CCDC32: variants seen among roughly 807,000 people sequenced by gnomAD.
The protein encoded by CCDC32 is coiled-coil domain-containing protein 32.
A neutral mutation model predicts 20.1 loss-of-function variants in CCDC32; 9 were observed. The observed-to-expected ratio is 0.45, with a 90% CI of 0.27 to 0.78. The LOEUF (loss-of-function observed/expected upper bound fraction) is 0.78, where lower values mean the gene tolerates loss of function less well. CCDC32 is among the 30% of genes least tolerant of loss of function. The pLI is 0.16. For missense variants in CCDC32, 204 were observed against 215.5 expected, an observed-to-expected ratio of 0.95 and a Z score of 0.33; for synonymous variants, 63 against 79.0, an observed-to-expected ratio of 0.80 and a Z score of 1.07.
Position 40,539,382 on chromosome 15 carries a change from G to T in CCDC32, c.402-27C>A, listed in dbSNP as rs544236496. On this transcript the variant is annotated intron_variant, in intron 3 of 3. Transcript: ENST00000558113. ...TATGGGAATAAGACAGACCGACAGA[G>T]ACGAGGAAGATAGACAGATACAGTC... 135 of 1,518,440 alleles carry T rather than the reference G, an allele frequency of 8.9e-5. 1 individual carries two copies. In the South Asian group the frequency reaches 1.4e-3, roughly 16 times the overall value. The allele number at this position is 1,518,440 out of a possible 1,614,324, so 94.1% of individuals were successfully genotyped here.
chr15:40,552,557 T>A (rs1043571233), downstream of CCDC32, among the ~76,000 whole-genome samples: 4 of 150,750 alleles, frequency 2.7e-5, no homozygotes, highest in African/African-American at 9.8e-5. Flanking sequence ...TAAGCAAGTA[T>A]ATGGAACCAC....
downstream of CCDC32, among the ~76,000 whole-genome samples, chr15:40,533,982 A>C (rs1217174991): frequency 6.6e-6 from 1 of 152,256 alleles, no homozygotes; most frequent in Non-Finnish European, 1.5e-5. Flanking sequence ...AAACTTGTAT[A>C]TATCTACATC....
At chr15:40,529,446 G>A (rs1888812055) in intron 3 of CCDC32, 1 of 152,182 alleles carries the variant, frequency 6.6e-6, no homozygotes, top group African/African-American at 2.4e-5. Context: ...AAAAGCAGAG[G>A]GAGAGAGAGC....
At chr15:40,560,099 T>G (rs1021600062) in intron 2 of CCDC32, among the ~76,000 whole-genome samples, 8 of 152,232 alleles carry the variant, frequency 5.3e-5, no homozygotes, top group African/African-American at 1.9e-4. Context: ...AACCTCTGCC[T>G]CCTGGGTTCA....
chr15:40,560,414 A>G (rs879382375), intron 2 of CCDC32, among the ~76,000 whole-genome samples: 1 of 152,262 alleles, frequency 6.6e-6, no homozygotes, highest in Non-Finnish European at 1.5e-5. Context: ...AAAAGAAATA[A>G]TCAGAGTAAA....
chr15:40,538,124 G>A (rs1889209527), downstream of CCDC32: 1 of 152,210 alleles, frequency 6.6e-6, no homozygotes, highest in Admixed American at 6.5e-5. Context: ...GTTCTCCAAG[G>A]GGATTTGGGG....
chr15:40,544,866 G>A (rs1889548209), intron 3 of CCDC32, among the ~76,000 whole-genome samples: 1 of 152,090 alleles, frequency 6.6e-6, no homozygotes, highest in South Asian at 2.1e-4. Context: ...CCAAATGAAA[G>A]ATTTCACATT....
downstream of CCDC32, chr15:40,531,994 C>T: frequency 3.6e-6 from 1 of 279,924 alleles, no homozygotes; most frequent in Non-Finnish European, 6.6e-6. Context: ...CCAAGAACCT[C>T]AATATCATCT....
chr15:40,557,354 ATTC>A lies in CCDC32; in HGVS notation c.260_262del (p.Arg87del). ...AGTCACTTCCTGATTTAAACCTTTGATTCTTCTTAGCTTCTTCTCTAGAGAGAG... is the reference window on the plus strand; with the variant it reads ...AGTCACTTCCTGATTTAAACCTTTGATTCTTAGCTTCTTCTCTAGAGAGAG... On this transcript the variant is annotated inframe_deletion, in exon 3 of 4. Coordinates refer to ENST00000416810, the MANE Select transcript of CCDC32 (RefSeq NM_001080792.4). 1.9e-6 allele frequency: 3 copies of A among 1,612,730 alleles called. No homozygotes were observed. Among genetic ancestry groups the A allele is most frequent in the Non-Finnish European group, 2.5e-6 (3 of 1,179,588 alleles).
At position 40,563,132 on chromosome 15, in the gene CCDC32, G is replaced by T. The variant is rs923444067; in HGVS notation, c.-12-105C>A. The T allele has an allele frequency of 2.6e-5, 35 of 1,363,742 alleles. No homozygotes were observed. In the Admixed American group the frequency reaches 2.8e-4, roughly 11 times the overall value. The allele number at this position is 1,363,742 out of a possible 1,614,324, so 84.5% of individuals were successfully genotyped here. On this transcript the variant is annotated intron_variant, in intron 1 of 3. Transcript: ENST00000416810. ...AATCCCAACACTTTGGGAAGCCGAG[G>T]CAGTCAGATCATTTGAGGCCAGCAG...
chr15:40,532,207 T>C (rs1888902486), downstream of CCDC32: 1 of 683,990 alleles, frequency 1.5e-6, no homozygotes, highest in Non-Finnish European at 2.7e-6. Context: ...GGGATAGGTT[T>C]TGTGCGTTCA....
At position 40,562,967 on chromosome 15, in the gene CCDC32, C is replaced by T; in HGVS notation, c.49G>A (p.Asp17Asn). Reference protein sequence around the residue: ...ADSTATRSGQDLWAEICSCLP... With the variant: ...ADSTATRSGQNLWAEICSCLP... ...CAGGAACAAATTTCAGCCCAGAGATCCTGGCCAGATCTTGTGGCTGTAGAG... is the reference window on the plus strand; with the variant it reads ...CAGGAACAAATTTCAGCCCAGAGATTCTGGCCAGATCTTGTGGCTGTAGAG... Residue 17 changes from aspartate (D) to asparagine (N), a missense_variant, in exon 2 of 4, where the codon GAT becomes AAT. Asp to Asn is a conservative substitution (Grantham distance 23, BLOSUM62 1). Transcript: ENST00000416810. The T allele has an allele frequency of 6.2e-7, 1 of 1,614,206 alleles. No individual in the cohort carries two copies. Among genetic ancestry groups the T allele is most frequent in the Non-Finnish European group, 8.5e-7 (1 of 1,180,050 alleles).
At chr15:40,539,267 T>C in exon 4 of CCDC32, 1 of 1,535,628 alleles carries the variant, frequency 6.5e-7, no homozygotes, top group Non-Finnish European at 8.7e-7. Context: ...GGAAATGTCC[T>C]TCGCCACCTC....
At chr15:40,549,461 C>T (rs1566981557), downstream of CCDC32, among the ~76,000 whole-genome samples, 1 of 152,164 alleles carries the variant, frequency 6.6e-6, no homozygotes, top group Non-Finnish European at 1.5e-5. Context: ...GGACTCAGCT[C>T]CCCTAACACG....
At position 40,553,648 on chromosome 15, in the gene CCDC32, A is replaced by T; in HGVS notation, c.*323T>A. On this transcript the variant is annotated 3_prime_UTR_variant, in exon 4 of 4. Coordinates refer to ENST00000416810, the MANE Select transcript of CCDC32 (RefSeq NM_001080792.4). Reference sequence around the variant, plus strand: ...CCAAGTACTTTCACATTTGATCTTTAGCAGACTTCTAACCTGCAGAGACAG... The same window carrying T: ...CCAAGTACTTTCACATTTGATCTTTTGCAGACTTCTAACCTGCAGAGACAG... 9.1e-7 allele frequency: 1 copy of T among 1,097,034 alleles called. No individual in the cohort carries two copies. Among genetic ancestry groups the T allele is most frequent in the Non-Finnish European group, 1.1e-6 (1 of 904,596 alleles). 68.0% of individuals were successfully genotyped at this position (1,097,034 alleles called of 1,614,324 possible). A position where few individuals can be genotyped will look rare whatever the true frequency, so the allele number is the denominator to read the frequency against.
In CCDC32 at chr15:40,557,201, C is replaced by A. The variant is rs374841392; in HGVS notation, c.401+15G>T. The A allele has an allele frequency of 3.7e-6, 6 of 1,601,260 alleles. No individual in the cohort carries two copies. The highest frequency in any genetic ancestry group is 5.1e-6 in the Non-Finnish European group (6 of 1,175,250). ...AAGGATGATTTCAGCTGGAACTAGA[C>A]GGGGAATCGATTACCTCTCATCAGA... On this transcript the variant is annotated intron_variant, in intron 3 of 3. Transcript: ENST00000416810.
chr15:40,540,435 T>A (rs182116926), intron 3 of CCDC32, among the ~76,000 whole-genome samples: 8 of 151,200 alleles, frequency 5.3e-5, no homozygotes, highest in Admixed American at 3.3e-4. Flanking sequence ...TGGCGTGATA[T>A]CGGCTCACTG....
At chr15:40,532,726 T>C (rs1050851743), downstream of CCDC32, among the ~76,000 whole-genome samples, 10 of 142,694 alleles carry the variant, frequency 7.0e-5, no homozygotes, top group East Asian at 6.0e-4. Context: ...TTTTTTTTTT[T>C]TTTTTTTTTT....
At chr15:40,527,264 G>A (rs879797783), downstream of CCDC32, among the ~76,000 whole-genome samples, 7 of 151,826 alleles carry the variant, frequency 4.6e-5, no homozygotes, top group Middle Eastern at 3.2e-3. Context: ...TCTGCCTCCC[G>A]GGTTCAAGCA....
Sources: gnomAD v4.1 joint callset for allele counts (sites outside exome capture counted in the v4.1 genomes callset) on GRCh38, gnomAD v4.1.1 for gene constraint, MANE v1.5 for transcripts, NCBI Gene and HGNC (gene_info 2026-07-23, HGNC 2026-07-21) for gene names.